The following CCNY variants were observed in gnomAD, a reference collection of about 807,000 sequenced individuals.
The protein encoded by CCNY is cyclin Y.
A neutral mutation model predicts 42.8 loss-of-function variants in CCNY; 19 were observed. The observed-to-expected ratio is 0.44, with a 90% confidence interval of 0.31 to 0.65. CCNY has a LOEUF of 0.65. Ranked by LOEUF, CCNY falls within the 30% of genes least tolerant of loss-of-function variation. CCNY has a pLI of 0.07. For synonymous variants in CCNY, 165 were observed against 162.7 expected (o/e 1.01, Z -0.11); for missense variants, 370 against 437.3 (o/e 0.85, Z 1.37).
intron 3 of CCNY, among the ~76,000 whole-genome samples, chr10:35,316,653 CAA>C (rs998905707): frequency 1.3e-5 from 2 of 151,362 alleles, no homozygotes; most frequent in Non-Finnish European, 2.9e-5. Flanking sequence ...GATATCCAGC[CAA>C]AAAAAAGTTT....
intron 1 of CCNY, among the ~76,000 whole-genome samples, chr10:35,422,379 G>C (rs1308898205): frequency 6.6e-6 from 1 of 152,288 alleles, no homozygotes; most frequent in East Asian, 1.9e-4. Flanking sequence ...TTAGATCCGA[G>C]CTCCTGGCTG....
intron 1 of CCNY, among the ~76,000 whole-genome samples, chr10:35,404,207 C>T (rs1837706901): frequency 1.3e-5 from 2 of 152,154 alleles, no homozygotes; most frequent in Non-Finnish European, 2.9e-5. Context: ...ATTAGGGCGG[C>T]AGCAGCCACT....
intron 1 of CCNY, among the ~76,000 whole-genome samples, chr10:35,413,011 T>A (rs1054742770): frequency 2.0e-5 from 3 of 151,922 alleles, no homozygotes; most frequent in African/African-American, 7.3e-5. Context: ...CTGCTGTATC[T>A]CCAGTGTCCA....
intron 1 of CCNY, among the ~76,000 whole-genome samples, chr10:35,468,756 G>A (rs1038156429): frequency 6.6e-6 from 1 of 152,108 alleles, no homozygotes; most frequent in Non-Finnish European, 1.5e-5. Flanking sequence ...GGCCAATTTG[G>A]TGTGAATTTC....
At position 35,474,129 on chromosome 10, in the gene CCNY, C is replaced by G. The variant is rs182722441; in HGVS notation, c.155-9275C>G. Among the ~76,000 whole-genome samples the G allele has an allele frequency of 1.4e-4, 22 of 152,338 alleles. No homozygotes were observed. In the South Asian group the frequency reaches 4.3e-3, roughly 30 times the overall value. On this transcript the variant is annotated intron_variant, in intron 1 of 9. Coordinates refer to ENST00000374704, the MANE Select transcript of CCNY (RefSeq NM_145012.6). ...CGCACCACGAGATTATATCCCGCACCTGGCTTGGAGGGTCCTACCCCACGG... is the reference window on the plus strand; with the variant it reads ...CGCACCACGAGATTATATCCCGCACGTGGCTTGGAGGGTCCTACCCCACGG...
At chr10:35,329,227 A>G (rs1432850019) in intron 3 of CCNY, among the ~76,000 whole-genome samples, 1 of 152,186 alleles carries the variant, frequency 6.6e-6, no homozygotes, top group African/African-American at 2.4e-5. Flanking sequence ...TATAGAAATG[A>G]GCAGATGCTG....
intron 2 of CCNY, among the ~76,000 whole-genome samples, chr10:35,490,870 A>T (rs1287375110): frequency 3.3e-5 from 5 of 152,154 alleles, no homozygotes; most frequent in African/African-American, 1.2e-4. Context: ...TGAAGTTGTG[A>T]GGGAGGAAGG....
At chr10:35,495,790 C>T (rs1278516234) in intron 2 of CCNY, among the ~76,000 whole-genome samples, 2 of 152,126 alleles carry the variant, frequency 1.3e-5, no homozygotes, top group African/African-American at 2.4e-5. Flanking sequence ...GTGTCCTGGC[C>T]GTTTGTGTTC....
intron 1 of CCNY, among the ~76,000 whole-genome samples, chr10:35,449,055 G>C (rs540238740): frequency 6.6e-6 from 1 of 152,054 alleles, no homozygotes; most frequent in African/African-American, 2.4e-5. Flanking sequence ...GAAGGAACAG[G>C]TCTTGAGCCT....
chr10:35,430,990 T>C (rs2135278682), intron 1 of CCNY, among the ~76,000 whole-genome samples: 1 of 151,678 alleles, frequency 6.6e-6, no homozygotes, highest in Middle Eastern at 3.4e-3. Context: ...GGTGGTGTGC[T>C]GCTGTAGTCC....
intron 1 of CCNY, among the ~76,000 whole-genome samples, chr10:35,446,100 G>A (rs1019634853): frequency 1.3e-5 from 2 of 152,204 alleles, no homozygotes; most frequent in East Asian, 3.8e-4. Flanking sequence ...TTAAACACAG[G>A]AAATTTGGGA....
At chr10:35,461,970 C>T (rs187376522) in intron 1 of CCNY, among the ~76,000 whole-genome samples, 1 of 152,134 alleles carries the variant, frequency 6.6e-6, no homozygotes, top group East Asian at 1.9e-4. Context: ...CCTCTCCTTA[C>T]ACTCAATATA....
At chr10:35,532,820 A>G (rs747242460) in intron 7 of CCNY, among the ~76,000 whole-genome samples, 2 of 152,216 alleles carry the variant, frequency 1.3e-5, no homozygotes, top group Non-Finnish European at 2.9e-5. Context: ...CACCCACTTT[A>G]GTCCTATGCG....
At chr10:35,448,849 G>T (rs1838850200) in intron 1 of CCNY, among the ~76,000 whole-genome samples, 1 of 152,100 alleles carries the variant, frequency 6.6e-6, no homozygotes, top group South Asian at 2.1e-4. Flanking sequence ...GTTTTGGCAG[G>T]ATTCCTGTGG....
intron 1 of CCNY, among the ~76,000 whole-genome samples, chr10:35,344,822 C>T (rs184662083): frequency 5.3e-5 from 8 of 151,970 alleles, no homozygotes; most frequent in African/African-American, 9.7e-5. Flanking sequence ...GAGAACATGC[C>T]GTGTTTGGTT....
chr10:35,477,488 C>T (rs1839542675), intron 1 of CCNY, among the ~76,000 whole-genome samples: 1 of 151,418 alleles, frequency 6.6e-6, no homozygotes, highest in Non-Finnish European at 1.5e-5. Flanking sequence ...TCAATATACG[C>T]AAATCAATAA....
At chr10:35,476,985 A>C (rs1039955023) in intron 1 of CCNY, among the ~76,000 whole-genome samples, 1 of 152,188 alleles carries the variant, frequency 6.6e-6, no homozygotes, top group Non-Finnish European at 1.5e-5. Context: ...AATACAAACT[A>C]CCATCAGAGA....
At chr10:35,565,746 A>G (rs1841557751) in intron 8 of CCNY, among the ~76,000 whole-genome samples, 1 of 152,230 alleles carries the variant, frequency 6.6e-6, no homozygotes, top group Non-Finnish European at 1.5e-5. Context: ...CTGCAGCCAG[A>G]GCCTGCTGTG....
rs1484089592 is a variant in CCNY, at chr10:35,307,812, A to T, written c.-9+57186A>T. On this transcript the variant is annotated intron_variant, in intron 3 of 11. Coordinates refer to the CCNY transcript ENST00000374706. Reference sequence around the variant, plus strand: ...TGTGTGTGTGTGTGTATATATATATATATATATTTTTTTTTTTTTTTCTGA... The same window carrying T: ...TGTGTGTGTGTGTGTATATATATATTTATATATTTTTTTTTTTTTTTCTGA... Among the ~76,000 whole-genome samples the T allele has an allele frequency of 2.9e-3, 188 of 64,870 alleles. 2 individuals are homozygous for T. The highest frequency in any genetic ancestry group is 3.4e-3 in the Non-Finnish European group (100 of 29,544). 42.6% of individuals were successfully genotyped at this position (64,870 alleles called of 152,430 possible).
Sources: gnomAD v4.1 joint callset for allele counts (sites outside exome capture counted in the v4.1 genomes callset) on GRCh38, gnomAD v4.1.1 for gene constraint, MANE v1.5 for transcripts, NCBI Gene and HGNC (gene_info 2026-07-23, HGNC 2026-07-21) for gene names.